The following PBX1 variants were observed in gnomAD, a reference collection of about 807,000 sequenced individuals.
PBX1 encodes the protein PBX homeobox 1.
In PBX1, 6 loss-of-function variants were observed where a neutral mutation model predicts 53.4. The ratio of observed to expected loss-of-function variants is 0.11; its 90% CI spans 0.06 to 0.22. The LOEUF (loss-of-function observed/expected upper bound fraction) is 0.22, where lower values mean the gene tolerates loss of function less well. Ranked by LOEUF, PBX1 falls within the 10% of genes least tolerant of loss-of-function variation. PBX1 has a pLI of 1.00. For missense variants in PBX1, 251 were observed against 551.4 expected (o/e 0.46, Z 5.46); for synonymous variants, 204 against 212.3 (o/e 0.96, Z 0.34).
intron 2 of PBX1, chr1:164,657,501 A>G (rs1660233107): frequency 6.6e-6 from 1 of 152,206 alleles, no homozygotes; most frequent in Non-Finnish European, 1.5e-5. Flanking sequence ...ATGAAATGAT[A>G]ATTTTACATT....
At chr1:164,756,144 G>A (rs1057240361) in intron 2 of PBX1, among the ~76,000 whole-genome samples, 24 of 152,076 alleles carry the variant, frequency 1.6e-4, no homozygotes, top group Non-Finnish European at 2.8e-4. Context: ...ATGGAGAAGG[G>A]GATTATTTGC....
chr1:164,691,045 C>T (rs1455730663), intron 2 of PBX1, among the ~76,000 whole-genome samples: 1 of 135,680 alleles, frequency 7.4e-6, no homozygotes, highest in Non-Finnish European at 1.5e-5. Flanking sequence ...GACAGAGTCT[C>T]CCTTTGTCAC....
chr1:164,751,632 G>C (rs1258414904), intron 2 of PBX1, among the ~76,000 whole-genome samples: 1 of 137,802 alleles, frequency 7.3e-6, no homozygotes, highest in Non-Finnish European at 1.5e-5. Context: ...GCCCAGCCTA[G>C]AGTGCAATAG....
chr1:164,818,376 A>T (rs568762592), intron 6 of PBX1: 3 of 152,300 alleles, frequency 2.0e-5, no homozygotes, highest in South Asian at 2.1e-4. Flanking sequence ...CTAAGGCCCT[A>T]CCTTTCTAAT....
At chr1:164,644,563 TG>T (rs749925673) in intron 2 of PBX1, among the ~76,000 whole-genome samples, 7 of 149,880 alleles carry the variant, frequency 4.7e-5, no homozygotes, top group Non-Finnish European at 7.4e-5. Flanking sequence ...TATCAGCTTT[TG>T]TTTTTTTTTT....
chr1:164,811,604 A>G (rs1358491405), intron 5 of PBX1, among the ~76,000 whole-genome samples: 1 of 152,240 alleles, frequency 6.6e-6, no homozygotes, highest in East Asian at 1.9e-4. Context: ...GATGGCATCA[A>G]GCCAGCTTTC....
chr1:164,600,303 G>A (rs1571037524), intron 2 of PBX1, among the ~76,000 whole-genome samples: 1 of 147,394 alleles, frequency 6.8e-6, no homozygotes, highest in Admixed American at 7.0e-5. Context: ...CCAGGCTGGA[G>A]TGCAGTGGCG....
At chr1:164,626,431 T>C (rs187612113) in intron 2 of PBX1, among the ~76,000 whole-genome samples, 51 of 152,168 alleles carry the variant, frequency 3.4e-4, no homozygotes, top group African/African-American at 1.1e-3. Context: ...AGTGGGTGGG[T>C]AAGTGGAGCC....
intron 2 of PBX1, among the ~76,000 whole-genome samples, chr1:164,622,072 T>C (rs2101854990): frequency 6.6e-6 from 1 of 152,358 alleles, no homozygotes; most frequent in East Asian, 1.9e-4. Flanking sequence ...CCAGCCTCTC[T>C]TCTGCATTGA....
intron 2 of PBX1, among the ~76,000 whole-genome samples, chr1:164,870,825 A>G (rs546438338): frequency 5.9e-5 from 9 of 152,274 alleles, no homozygotes; most frequent in African/African-American, 2.2e-4. Flanking sequence ...GTTCCTCTGG[A>G]CAGGGTTCCA....
At position 164,875,992 on chromosome 1, in the gene PBX1, A is replaced by G. The variant is rs184570437; in HGVS notation, n.258-23196A>G. On this transcript the variant is annotated intron_variant and non_coding_transcript_variant, in intron 2 of 2. Transcript: ENST00000558796. ...CTATATATATTTGGTGTATGTGTAT[A>G]TATATATATATATACACACATACAC... Among the ~76,000 whole-genome samples the G allele has an allele frequency of 1.7e-3, 80 of 48,258 alleles. 1 individual carries two copies. In the East Asian group the frequency reaches 0.017, roughly 10 times the overall value. 31.7% of individuals were successfully genotyped at this position (48,258 alleles called of 152,430 possible). A position where few individuals can be genotyped will look rare whatever the true frequency, so the allele number is the denominator to read the frequency against.
chr1:164,884,560 T>G (rs1340691359), intron 2 of PBX1: 1 of 516,080 alleles, frequency 1.9e-6, no homozygotes, highest in Non-Finnish European at 3.8e-6. Flanking sequence ...AAGAACCTAT[T>G]GATGGCTTGG....
At chr1:164,575,162 C>T (rs1571248629) in intron 2 of PBX1, among the ~76,000 whole-genome samples, 1 of 152,172 alleles carries the variant, frequency 6.6e-6, no homozygotes, top group Admixed American at 6.5e-5. Context: ...TGCAGTATTG[C>T]AAGTGCAGAA....
At chr1:164,703,826 A>C (rs914294566) in intron 2 of PBX1, among the ~76,000 whole-genome samples, 1 of 152,170 alleles carries the variant, frequency 6.6e-6, no homozygotes, top group African/African-American at 2.4e-5. Context: ...CCTTCTCCAC[A>C]CATCCAATTG....
intron 6 of PBX1, chr1:164,818,673 A>T (rs1669994440): frequency 6.6e-6 from 1 of 151,872 alleles, no homozygotes. Context: ...CCAGGTTTAT[A>T]AATCATCTGC....
chr1:164,857,308 CCAAA>C (rs1672000096), intron 2 of PBX1, among the ~76,000 whole-genome samples: 2 of 152,092 alleles, frequency 1.3e-5, no homozygotes, highest in African/African-American at 2.4e-5. Flanking sequence ...AAATAAACAG[CCAAA>C]CAGAGAGGCA....
intron 2 of PBX1, among the ~76,000 whole-genome samples, chr1:164,600,246 C>CT (rs71097539): frequency 0.32 from 37,415 of 117,492 alleles, 7,483 homozygotes; most frequent in East Asian, 0.56. Context: ...TATGCTGCTG[C>CT]TTTTTTTTTT....
At chr1:164,704,384 A>G (rs1663305017) in intron 2 of PBX1, among the ~76,000 whole-genome samples, 1 of 152,216 alleles carries the variant, frequency 6.6e-6, no homozygotes, top group African/African-American at 2.4e-5. Flanking sequence ...ATTGCTCTAT[A>G]GTGGCATTTT....
intron 3 of PBX1, among the ~76,000 whole-genome samples, chr1:164,793,814 C>T (rs1196402928): frequency 1.9e-4 from 26 of 138,558 alleles, no homozygotes; most frequent in African/African-American, 4.5e-4. Flanking sequence ...TCTTTTTTTT[C>T]GTTTCTTCTT....
Sources: gnomAD v4.1 joint callset for allele counts (sites outside exome capture counted in the v4.1 genomes callset) on GRCh38, gnomAD v4.1.1 for gene constraint, MANE v1.5 for transcripts, NCBI Gene and HGNC (gene_info 2026-07-23, HGNC 2026-07-21) for gene names.